SOX5: variants seen among roughly 807,000 people sequenced by gnomAD.
SOX5 encodes the protein transcription factor SOX-5.
Under a neutral mutation model 92.0 loss-of-function variants are expected in SOX5, and 9 were observed. That is an observed-to-expected ratio of 0.10 (90% CI 0.06 to 0.17). SOX5 has a LOEUF of 0.17. Ranked by LOEUF, SOX5 falls within the 10% of genes least tolerant of loss-of-function variation. SOX5 has a pLI of 1.00. For missense variants in SOX5, 642 were observed against 944.5 expected, an observed-to-expected ratio of 0.68 and a Z score of 4.20; for synonymous variants, 344 against 336.3, an observed-to-expected ratio of 1.02 and a Z score of -0.25.
chr12:23,535,439 A>AGACTT (rs2135871338), intron 14 of SOX5, among the ~76,000 whole-genome samples: 1 of 152,328 alleles, frequency 6.6e-6, no homozygotes, highest in African/African-American at 2.4e-5. Context: ...GTGCTGCCAC[A>AGACTT]GACTTGAAAT....
intron 7 of SOX5, among the ~76,000 whole-genome samples, chr12:23,656,852 G>C (rs933723393): frequency 1.3e-5 from 2 of 151,844 alleles, no homozygotes; most frequent in African/African-American, 4.8e-5. Flanking sequence ...GTTACACCTG[G>C]GTAGTGGGAT....
At chr12:24,052,125 C>G (rs767481463) in intron 4 of SOX5, among the ~76,000 whole-genome samples, 39 of 152,248 alleles carry the variant, frequency 2.6e-4, no homozygotes, top group Non-Finnish European at 2.8e-4. Flanking sequence ...ACTGGCTCTT[C>G]TTCATTTACC....
chr12:24,034,356 T>C (rs965165086), intron 4 of SOX5, among the ~76,000 whole-genome samples: 8 of 152,020 alleles, frequency 5.3e-5, no homozygotes, highest in Non-Finnish European at 1.0e-4. Context: ...CCCTCCTCTC[T>C]CCTGCCTCTC....
At chr12:24,048,684 A>G (rs1382964559) in intron 4 of SOX5, among the ~76,000 whole-genome samples, 1 of 152,208 alleles carries the variant, frequency 6.6e-6, no homozygotes, top group Non-Finnish European at 1.5e-5. Context: ...CAAGAAAAAT[A>G]CCTGAACTAT....
intron 6 of SOX5, among the ~76,000 whole-genome samples, chr12:23,718,902 C>T (rs996204498): frequency 6.6e-6 from 1 of 151,968 alleles, no homozygotes; most frequent in Admixed American, 6.6e-5. Flanking sequence ...TACCTCTTTG[C>T]AATTTTAGAT....
intron 1 of SOX5, among the ~76,000 whole-genome samples, chr12:24,466,440 C>T (rs35734976): frequency 0.088 from 13,341 of 152,116 alleles, 684 homozygotes; most frequent in South Asian, 0.16. Flanking sequence ...CGTTTTGGAA[C>T]TACCCTTCCC....
chr12:23,990,537 C>T (rs749717504), intron 4 of SOX5, among the ~76,000 whole-genome samples: 6 of 151,208 alleles, frequency 4.0e-5, no homozygotes, highest in Non-Finnish European at 7.4e-5. Flanking sequence ...AACTGCATCG[C>T]ATTCTCTGTG....
At chr12:24,246,622 A>C (rs1938792396) in intron 3 of SOX5, among the ~76,000 whole-genome samples, 1 of 152,206 alleles carries the variant, frequency 6.6e-6, no homozygotes, top group African/African-American at 2.4e-5. Context: ...TATTCTTGGA[A>C]GAGAAGTAGT....
intron 1 of SOX5, among the ~76,000 whole-genome samples, chr12:24,411,137 T>C (rs1963995887): frequency 6.6e-6 from 1 of 152,190 alleles, no homozygotes; most frequent in African/African-American, 2.4e-5. Context: ...TAACTGACTT[T>C]CGTATGTTTA....
rs139923574 is a variant in SOX5 at position 24,553,004 on chromosome 12, C to T, written c.-251+9325G>A. On this transcript the variant is annotated intron_variant, in intron 1 of 4. Transcript: ENST00000446891. Reference sequence around the variant, plus strand: ...CCATGATTGTGCCACTGCACTCCAGCCTGGGTAACAGAGTGAGAACTTGTC... The same window carrying T: ...CCATGATTGTGCCACTGCACTCCAGTCTGGGTAACAGAGTGAGAACTTGTC... 4.5e-3 allele frequency among the ~76,000 whole-genome samples: 685 copies of T among 152,246 alleles called. 4 individuals carry two copies. Among genetic ancestry groups the T allele is most frequent in the African/African-American group, 0.016 (644 of 41,540 alleles).
intron 7 of SOX5, among the ~76,000 whole-genome samples, chr12:23,648,932 T>C (rs1303383546): frequency 6.6e-6 from 1 of 152,198 alleles, no homozygotes; most frequent in Non-Finnish European, 1.5e-5. Context: ...ATATCCAATA[T>C]GTCGACTAAT....
chr12:23,637,613 G>A (rs1227353536), intron 8 of SOX5, among the ~76,000 whole-genome samples: 1 of 152,168 alleles, frequency 6.6e-6, no homozygotes, highest in Non-Finnish European at 1.5e-5. Flanking sequence ...TTACAGGGTG[G>A]CTTGGTTCTT....
chr12:23,989,668 TTATAAC>T (rs1950377629), intron 4 of SOX5, among the ~76,000 whole-genome samples: 1 of 152,088 alleles, frequency 6.6e-6, no homozygotes, highest in African/African-American at 2.4e-5. Flanking sequence ...ATTTGTGCCC[TTATAAC>T]TATAACTAAA....
intron 2 of SOX5, among the ~76,000 whole-genome samples, chr12:24,314,453 C>T (rs2140838942): frequency 6.6e-6 from 1 of 151,786 alleles, no homozygotes; most frequent in Admixed American, 6.6e-5. Context: ...CAATATGGCA[C>T]ATGTATACAT....
chr12:23,832,012 A>C (rs940946264), intron 3 of SOX5, among the ~76,000 whole-genome samples: 1 of 150,300 alleles, frequency 6.7e-6, no homozygotes, highest in Non-Finnish European at 1.5e-5. Flanking sequence ...TCAGGCACAC[A>C]AAAGGAAGGA....
chr12:24,293,613 A>C (rs764122755), intron 2 of SOX5, among the ~76,000 whole-genome samples: 1 of 152,206 alleles, frequency 6.6e-6, no homozygotes, highest in Admixed American at 6.5e-5. Flanking sequence ...AAGAATCTTC[A>C]CAGATTATAT....
intron 1 of SOX5, among the ~76,000 whole-genome samples, chr12:24,496,207 AATACCT>A (rs1479492410): frequency 6.6e-6 from 1 of 152,158 alleles, no homozygotes; most frequent in African/African-American, 2.4e-5. Context: ...CACAAGCAAA[AATACCT>A]ATAAAGAAGA....
At chr12:23,844,188 G>A (rs1453243778) in intron 3 of SOX5, among the ~76,000 whole-genome samples, 1 of 152,186 alleles carries the variant, frequency 6.6e-6, no homozygotes, top group Non-Finnish European at 1.5e-5. Context: ...TGATTGCGTG[G>A]CTGACTGGGA....
intron 2 of SOX5, among the ~76,000 whole-genome samples, chr12:24,352,123 T>G (rs1176276142): frequency 6.6e-6 from 1 of 152,060 alleles, no homozygotes; most frequent in African/African-American, 2.4e-5. Context: ...TTTTGAGGAG[T>G]ATGAGATTTT....
Sources: allele counts gnomAD v4.1 joint callset (sites outside exome capture counted in the v4.1 genomes callset), GRCh38; gene constraint gnomAD v4.1.1; transcripts MANE v1.5; gene names NCBI Gene and HGNC (gene_info 2026-07-23, HGNC 2026-07-21).